The following MAGT1 variants were observed in gnomAD, a reference collection of about 807,000 sequenced individuals.
The protein encoded by MAGT1 is magnesium transporter 1, also known as dolichyl-diphosphooligosaccharide--protein glycosyltransferase subunit MAGT1.
A neutral mutation model predicts 28.4 loss-of-function variants in MAGT1; 4 were observed. The ratio of observed to expected loss-of-function variants is 0.14; its 90% CI spans 0.07 to 0.32. The LOEUF (loss-of-function observed/expected upper bound fraction) is 0.32, where lower values mean the gene tolerates loss of function less well. MAGT1 is among the 10% of genes least tolerant of loss of function. The probability of loss-of-function intolerance (pLI) is 1.00; values close to 1 mark genes in which losing one functional copy is unlikely to be tolerated. For missense variants in MAGT1, 193 were observed against 264.5 expected, an observed-to-expected ratio of 0.73 and a Z score of 1.88; for synonymous variants, 89 against 89.7, an observed-to-expected ratio of 0.99 and a Z score of 0.04.
chrX:77,855,927 C>T (rs782302613), intron 5 of MAGT1, among the ~76,000 whole-genome samples: 10 of 109,507 alleles, frequency 9.1e-5, no homozygotes, highest in African/African-American at 3.0e-4. Context: ...CATGGAACCA[C>T]GCCCAGCTAA....
intron 7 of MAGT1, among the ~76,000 whole-genome samples, chrX:77,851,046 C>T (rs2076966402): frequency 9.4e-6 from 1 of 106,666 alleles, no homozygotes; most frequent in South Asian, 4.3e-4. Context: ...TCTCGGCTTA[C>T]TGCAACCTCC....
At chrX:77,853,050 ACT>A (rs1557215663) in intron 7 of MAGT1, among the ~76,000 whole-genome samples, 1 of 111,977 alleles carries the variant, frequency 8.9e-6, no homozygotes, top group African/African-American at 3.2e-5. Flanking sequence ...TTAGATTCTT[ACT>A]TATCTGACAT....
chrX:77,848,981 T>G (rs1178501146), intron 7 of MAGT1, among the ~76,000 whole-genome samples: 1 of 109,857 alleles, frequency 9.1e-6, no homozygotes, highest in East Asian at 2.9e-4. Context: ...CCCACTGTAC[T>G]CAAGCCTGGG....
At chrX:77,832,022 A>G (rs1557213459) in intron 8 of MAGT1, among the ~76,000 whole-genome samples, 1 of 112,012 alleles carries the variant, frequency 8.9e-6, no homozygotes, top group Admixed American at 9.5e-5. Flanking sequence ...AGATAACTAC[A>G]CAGCCTTATA....
intron 1 of MAGT1, among the ~76,000 whole-genome samples, chrX:77,882,157 A>G (rs2077054606): frequency 8.9e-6 from 1 of 112,129 alleles, no homozygotes; most frequent in African/African-American, 3.2e-5. Flanking sequence ...TAAAAATAAT[A>G]AGAGCTATTT....
chrX:77,839,657 G>A (rs1603359663), intron 8 of MAGT1, among the ~76,000 whole-genome samples: 3 of 109,344 alleles, frequency 2.7e-5, no homozygotes, highest in Non-Finnish European at 3.8e-5. Context: ...ACACACGCAC[G>A]CCACCATGCC....
At chrX:77,875,773 T>C (rs1231835911) in intron 1 of MAGT1, among the ~76,000 whole-genome samples, 176 bp from the exon 2 acceptor site, 1 of 110,840 alleles carries the variant, frequency 9.0e-6, no homozygotes, top group Non-Finnish European at 1.9e-5. Flanking sequence ...AAATACATTA[T>C]TTCATAATAT....
At chrX:77,858,872 T>C (rs1414899510) in intron 3 of MAGT1, among the ~76,000 whole-genome samples, 1 of 111,972 alleles carries the variant, frequency 8.9e-6, no homozygotes, top group African/African-American at 3.2e-5. Context: ...TTATTCAATA[T>C]TTGTTTAGTT....
intron 1 of MAGT1, among the ~76,000 whole-genome samples, chrX:77,879,759 G>A (rs2077045719): frequency 9.3e-6 from 1 of 107,915 alleles, no homozygotes; most frequent in Non-Finnish European, 1.9e-5. Context: ...AACTGCACAC[G>A]TAAACACTTA....
chrX:77,885,620 G>A (rs1010422177), intron 1 of MAGT1: 2 of 109,784 alleles, frequency 1.8e-5, no homozygotes, highest in Non-Finnish European at 3.8e-5. Context: ...CTGGGCTTAA[G>A]TGATCCTCCC....
At chrX:77,884,147 T>C (rs1159803100) in intron 1 of MAGT1, among the ~76,000 whole-genome samples, 1 of 111,671 alleles carries the variant, frequency 9.0e-6, no homozygotes, top group Non-Finnish European at 1.9e-5. Flanking sequence ...GAGCTGAGAC[T>C]GCACCACTGC....
intron 8 of MAGT1, among the ~76,000 whole-genome samples, chrX:77,832,418 A>C: frequency 9.0e-6 from 1 of 111,464 alleles, no homozygotes; most frequent in Non-Finnish European, 1.9e-5. Context: ...AAAAAAAAAA[A>C]ATTGCAGAAA....
chrX:77,845,155 T>G (rs1475836841), intron 7 of MAGT1, among the ~76,000 whole-genome samples: 2 of 111,878 alleles, frequency 1.8e-5, no homozygotes, highest in Non-Finnish European at 3.8e-5. Context: ...ATATTTAGGA[T>G]AGTTAGCTCT....
intron 3 of MAGT1, among the ~76,000 whole-genome samples, chrX:77,863,950 G>A (rs2077001759): frequency 1.8e-5 from 2 of 111,067 alleles, no homozygotes; most frequent in African/African-American, 6.5e-5. Context: ...CTTGAACCTG[G>A]GAGGTTGCAG....
intron 1 of MAGT1, among the ~76,000 whole-genome samples, chrX:77,880,848 C>A (rs2077050019): frequency 9.4e-6 from 1 of 106,769 alleles, no homozygotes; most frequent in Non-Finnish European, 1.9e-5. Flanking sequence ...GTCCCAGCTA[C>A]CGGGGAGGCT....
At chrX:77,844,652 G>C (rs781831030) in intron 7 of MAGT1, among the ~76,000 whole-genome samples, 85 of 111,004 alleles carry the variant, frequency 7.7e-4, no homozygotes, top group African/African-American at 2.7e-3. Context: ...TTGTGTCTTT[G>C]TTCTCGGTTT....
intron 3 of MAGT1, among the ~76,000 whole-genome samples, chrX:77,869,738 C>CA (rs1165024626): frequency 2.6e-4 from 27 of 103,548 alleles, no homozygotes; most frequent in East Asian, 1.2e-3. Context: ...AAAAACAAAA[C>CA]AAAAAAAAAC....
chrX:77,841,121 A>C, intron 8 of MAGT1, 125 bp downstream of exon 8: 1 of 480,164 alleles, frequency 2.1e-6, no homozygotes, highest in East Asian at 3.6e-5. Flanking sequence ...ATGACATTTA[A>C]AGAAAAAAAT....
At chrX:77,882,918 G>T (rs782498665) in intron 1 of MAGT1, among the ~76,000 whole-genome samples, 1 of 105,297 alleles carries the variant, frequency 9.5e-6, no homozygotes, top group Admixed American at 1.1e-4. Flanking sequence ...AGTGAGCTAC[G>T]ATCACACATC....
Sources: allele counts gnomAD v4.1 joint callset (sites outside exome capture counted in the v4.1 genomes callset), GRCh38; gene constraint gnomAD v4.1.1; transcripts MANE v1.5; gene names NCBI Gene and HGNC (gene_info 2026-07-23, HGNC 2026-07-21).